RSU1: variants seen among roughly 807,000 people sequenced by gnomAD.
RSU1 encodes rsu-1.
Under a neutral mutation model 31.1 loss-of-function variants are expected in RSU1, and 26 were observed. The observed-to-expected ratio is 0.84, with a 90% CI of 0.61 to 1.16. The LOEUF (loss-of-function observed/expected upper bound fraction) is 1.16, where lower values mean the gene tolerates loss of function less well. RSU1 is among the 50% of genes most tolerant of loss of function. The probability of loss-of-function intolerance (pLI) is 0.00; values close to 1 mark genes in which losing one functional copy is unlikely to be tolerated. For synonymous variants in RSU1, 164 were observed against 136.3 expected, an observed-to-expected ratio of 1.20 and a Z score of -1.41; for missense variants, 320 against 339.1, an observed-to-expected ratio of 0.94 and a Z score of 0.44.
intron 4 of RSU1, among the ~76,000 whole-genome samples, chr10:16,762,927 C>T (rs544411370): frequency 2.0e-5 from 3 of 151,744 alleles, no homozygotes; most frequent in East Asian, 3.9e-4. Context: ...GGAGGAGAAT[C>T]GCTTGAACCC....
At chr10:16,703,091 T>A (rs1017001701) in intron 7 of RSU1, among the ~76,000 whole-genome samples, 2 of 152,218 alleles carry the variant, frequency 1.3e-5, no homozygotes, top group Non-Finnish European at 2.9e-5. Flanking sequence ...GCTCCCACCA[T>A]GTGAGTCATC....
intron 7 of RSU1, among the ~76,000 whole-genome samples, chr10:16,744,034 G>A (rs1301833745): frequency 6.6e-6 from 1 of 151,668 alleles, no homozygotes; most frequent in East Asian, 1.9e-4. Flanking sequence ...GAAGGCTGAG[G>A]TGCAAGGATC....
chr10:16,725,238 T>C (rs1326073852), intron 7 of RSU1, among the ~76,000 whole-genome samples: 2 of 152,164 alleles, frequency 1.3e-5, no homozygotes, highest in African/African-American at 2.4e-5. Context: ...TAAATAATCC[T>C]ATGTACATCC....
chr10:16,674,907 C>G (rs551387114), intron 8 of RSU1, among the ~76,000 whole-genome samples: 1 of 152,208 alleles, frequency 6.6e-6, no homozygotes, highest in South Asian at 2.1e-4. Context: ...GTGGCACACG[C>G]CTGTAATCCC....
At chr10:16,698,246 C>G (rs1835721334) in intron 7 of RSU1, among the ~76,000 whole-genome samples, 1 of 152,008 alleles carries the variant, frequency 6.6e-6, no homozygotes, top group South Asian at 2.1e-4. Context: ...TAGCCTGCAT[C>G]ACAAGCTCCC....
intron 8 of RSU1, among the ~76,000 whole-genome samples, chr10:16,615,006 C>A (rs147910735): frequency 1.3e-5 from 2 of 151,984 alleles, no homozygotes; most frequent in African/African-American, 4.8e-5. Flanking sequence ...GCTAGCATCA[C>A]GATGGGATCA....
intron 2 of RSU1, among the ~76,000 whole-genome samples, chr10:16,784,476 G>T (rs958558720): frequency 5.3e-5 from 8 of 152,196 alleles, no homozygotes; most frequent in African/African-American, 1.9e-4. Flanking sequence ...ATCTGATTCT[G>T]GGGAGACCTC....
chr10:16,807,018 G>T (rs1160819567), intron 2 of RSU1, among the ~76,000 whole-genome samples: 4 of 152,156 alleles, frequency 2.6e-5, no homozygotes, highest in Non-Finnish European at 4.4e-5. Context: ...TTGGCCTCCG[G>T]AAGCGCTGGG....
chr10:16,685,609 AC>A (rs1835426614), intron 8 of RSU1, among the ~76,000 whole-genome samples: 1 of 152,120 alleles, frequency 6.6e-6, no homozygotes, highest in African/African-American at 2.4e-5. Flanking sequence ...AGCAGTGAGG[AC>A]GACCAGAGGT....
chr10:16,698,496 A>G (rs1835725734), intron 7 of RSU1, among the ~76,000 whole-genome samples: 1 of 152,148 alleles, frequency 6.6e-6, no homozygotes, highest in Non-Finnish European at 1.5e-5. Context: ...TCCTCTGAAA[A>G]TAATGTACTA....
rs563079050 is a variant in RSU1, at chr10:16,763,003, A to C, written c.281+1387T>G. The stretch of plus-strand genomic sequence containing the variant: ...AAAGCAAGACTCTGTCTCAAAAAAA[A>C]AAAAACAAAAACAAAAAAACCTGGG... On this transcript the variant is annotated intron_variant, in intron 4 of 8. Coordinates refer to ENST00000345264, the MANE Select transcript of RSU1 (RefSeq NM_012425.4). Among the ~76,000 whole-genome samples the C allele has an allele frequency of 9.8e-4, 149 of 152,144 alleles. 1 individual carries two copies. Among genetic ancestry groups the C allele is most frequent in the South Asian group, 3.1e-3 (15 of 4,822 alleles).
chr10:16,701,725 C>T (rs1835799257), intron 7 of RSU1, among the ~76,000 whole-genome samples: 1 of 152,094 alleles, frequency 6.6e-6, no homozygotes, highest in Non-Finnish European at 1.5e-5. Flanking sequence ...TGAAGAGGCC[C>T]AGAAGTCCTT....
intron 8 of RSU1, among the ~76,000 whole-genome samples, chr10:16,599,014 G>A (rs149622221): frequency 1.2e-4 from 18 of 152,314 alleles, no homozygotes; most frequent in African/African-American, 3.9e-4. Flanking sequence ...GAGAGGAAGT[G>A]CAAACAGCTT....
chr10:16,692,361 A>T (rs1034043823), intron 8 of RSU1, among the ~76,000 whole-genome samples: 3 of 152,212 alleles, frequency 2.0e-5, no homozygotes, highest in Non-Finnish European at 2.9e-5. Flanking sequence ...AATCTTTTAA[A>T]ATTAAAAGCA....
rs76351505 is a variant in RSU1 at position 16,738,678 on chromosome 10, C to G, written c.598+13861G>C. ...TAAAAATGGGGACAATACAGACTAA[C>G]TCAGAAGAAATGTACTTTTTAAAAA... On this transcript the variant is annotated intron_variant, in intron 7 of 8. Transcript: ENST00000345264. Among the ~76,000 whole-genome samples the G allele has an allele frequency of 3.1e-3, 473 of 152,166 alleles. 5 individuals carry two copies. The East Asian group carries it at 0.055, about 18-fold the overall frequency.
chr10:16,695,033 T>A lies in RSU1; in HGVS notation c.721A>T (p.Thr241Ser). 4 of 1,613,198 alleles carry A rather than the reference T, an allele frequency of 2.5e-6. No individual in the cohort carries two copies. The highest frequency in any genetic ancestry group is 3.4e-6 in the Non-Finnish European group (4 of 1,179,500). The change falls in exon 8 of 9, where the codon ACA (threonine) becomes TCA (serine). Residue 241 changes from threonine (T) to serine (S), a missense_variant. Physicochemically the swap from Thr to Ser is moderately conservative, Grantham distance 58 (BLOSUM62 1). Transcript: ENST00000345264. The stretch of plus-strand genomic sequence containing the variant: ...TCAGAGTCTACTTACTATTTGTATG[T>A]CTCAGAACGGATATACTCAAAAACA... ...SHVFEYIRSETYKYLYGRHMQ... is the reference protein window; with the variant it reads ...SHVFEYIRSESYKYLYGRHMQ...
Position 16,705,244 on chromosome 10 carries a change from T to G in RSU1, c.599-10089A>C, listed in dbSNP as rs1342101701. ...TAATATTCCACTGTATATACAGTCA[T>G]CTCTCAGTATCCATGGGGGACAGGT... On this transcript the variant is annotated intron_variant, in intron 7 of 8. Transcript: ENST00000345264. Among the ~76,000 whole-genome samples, 3 of 152,188 alleles carry G rather than the reference T, an allele frequency of 2.0e-5. No homozygotes were observed. In the East Asian group the frequency reaches 5.8e-4, roughly 29 times the overall value.
At chr10:16,632,165 A>G (rs994054039) in intron 8 of RSU1, among the ~76,000 whole-genome samples, 1 of 152,002 alleles carries the variant, frequency 6.6e-6, no homozygotes, top group African/African-American at 2.4e-5. Context: ...AAAAAACATG[A>G]CCTCACATGT....
chr10:16,698,734 T>C (rs1410599058), intron 7 of RSU1, among the ~76,000 whole-genome samples: 1 of 152,208 alleles, frequency 6.6e-6, no homozygotes, highest in Non-Finnish European at 1.5e-5. Flanking sequence ...AAGCTAGACA[T>C]ACTCCCTTAA....
Sources: gnomAD v4.1 joint callset for allele counts (sites outside exome capture counted in the v4.1 genomes callset) on GRCh38, gnomAD v4.1.1 for gene constraint, MANE v1.5 for transcripts, NCBI Gene and HGNC (gene_info 2026-07-23, HGNC 2026-07-21) for gene names.